Variants in PLXNA2 observed in about 807,000 individuals in gnomAD.
PLXNA2 encodes the protein plexin A2, also known as plexin-A2.
A neutral mutation model predicts 193.5 loss-of-function variants in PLXNA2; 91 were observed. The observed-to-expected ratio is 0.47, with a 90% confidence interval of 0.40 to 0.56. PLXNA2 has a LOEUF of 0.56. PLXNA2 is among the 20% of genes least tolerant of loss of function. The probability of loss-of-function intolerance (pLI) is 0.00; values close to 1 mark genes in which losing one functional copy is unlikely to be tolerated. For synonymous variants in PLXNA2, 997 were observed against 1,027.3 expected (o/e 0.97, Z 0.56); for missense variants, 1,995 against 2,503.2 (o/e 0.80, Z 4.33).
chr1:208,161,605 C>G (rs755780713), intron 3 of PLXNA2, among the ~76,000 whole-genome samples: 5 of 152,152 alleles, frequency 3.3e-5, no homozygotes, highest in Non-Finnish European at 7.3e-5. Flanking sequence ...TCCTATGGTG[C>G]ACGAGTGTCC....
At position 208,039,696 on chromosome 1, in the gene PLXNA2, A is replaced by C; in HGVS notation, c.4425T>G (p.Asp1475Glu). Residue 1475 changes from aspartate (D) to glutamate (E), a missense_variant, in exon 24 of 32, where the codon GAT becomes GAG. Physicochemically the swap from Asp to Glu is conservative, Grantham distance 45 (BLOSUM62 2). Coordinates refer to ENST00000367033, the MANE Select transcript of PLXNA2 (RefSeq NM_025179.4). ...IKQQMEKGPI[D>E]AITGEARYSL... is the part of the protein sequence containing the mutation. ...AGTAGCGGGCCTCGCCCGTGATGGC[A>C]TCAATGGGGCCCTTCTCCATCTGCT... 2 of 1,614,208 alleles carry C rather than the reference A, an allele frequency of 1.2e-6. No individual in the cohort carries two copies. Among genetic ancestry groups the C allele is most frequent in the African/African-American group, 2.7e-5 (2 of 75,052 alleles).
At chr1:208,055,182 G>A (rs1025985554) in intron 13 of PLXNA2, among the ~76,000 whole-genome samples, 2 of 152,140 alleles carry the variant, frequency 1.3e-5, no homozygotes, top group East Asian at 3.9e-4. Context: ...ACTTCATCAA[G>A]GGCTGAGCAC....
chr1:208,241,104 C>T, intron 1 of PLXNA2, among the ~76,000 whole-genome samples: 1 of 152,134 alleles, frequency 6.6e-6, no homozygotes, highest in Non-Finnish European at 1.5e-5. Context: ...CACTGGTTTC[C>T]CCTCCTGTTC....
chr1:208,096,619 C>T, intron 7 of PLXNA2, 111 bp downstream of exon 7: 2 of 1,277,166 alleles, frequency 1.6e-6, no homozygotes, highest in South Asian at 1.4e-5. Flanking sequence ...GTTGTCTAAG[C>T]CAATATTAGT....
intron 3 of PLXNA2, among the ~76,000 whole-genome samples, chr1:208,147,655 G>A (rs1668640122): frequency 6.6e-6 from 1 of 152,148 alleles, no homozygotes; most frequent in Non-Finnish European, 1.5e-5. Flanking sequence ...AAACTCAGAG[G>A]CACAGGAGAG....
At chr1:208,031,818 C>T in intron 28 of PLXNA2, 59 bp from the exon 29 acceptor site, 3 of 1,414,120 alleles carry the variant, frequency 2.1e-6, no homozygotes, top group Non-Finnish European at 2.9e-6. Context: ...AGCAGACAGG[C>T]ATACCAGATG....
intron 17 of PLXNA2, 126 bp downstream of exon 17, chr1:208,050,883 G>A (rs1665236616): frequency 5.7e-6 from 4 of 699,184 alleles, no homozygotes; most frequent in African/African-American, 1.8e-5. Context: ...CAGGCTCAGA[G>A]TCTTAAGCCA....
Position 208,082,266 on chromosome 1 carries a change from G to A in PLXNA2, c.2395+146C>T. The A allele has an allele frequency of 1.5e-6, 1 of 668,374 alleles. No homozygotes were observed. Among genetic ancestry groups the A allele is most frequent in the Middle Eastern group, 3.2e-4 (1 of 3,092 alleles). 41.4% of individuals were successfully genotyped at this position (668,374 alleles called of 1,614,324 possible). On this transcript the variant is annotated intron_variant, in intron 11 of 31. Coordinates refer to ENST00000367033, the MANE Select transcript of PLXNA2 (RefSeq NM_025179.4). The surrounding 1 kb of genome is among the most constrained non-coding windows in gnomAD (Gnocchi z 4.2). ...CAGGACTCCTTTGATGACTCCAAAT[G>A]TTGCTTTAGGATCCTCTGAAGAGTT...
intron 3 of PLXNA2, among the ~76,000 whole-genome samples, chr1:208,145,385 C>G (rs2102488979): frequency 6.6e-6 from 1 of 152,358 alleles, no homozygotes; most frequent in South Asian, 2.1e-4. Flanking sequence ...GCCCCTCCCT[C>G]AAGCCTGGTC....
intron 13 of PLXNA2, among the ~76,000 whole-genome samples, chr1:208,055,539 C>A (rs1377110872): frequency 6.6e-6 from 1 of 152,078 alleles, no homozygotes; most frequent in African/African-American, 2.4e-5. Context: ...AGGATTTTTC[C>A]TTTCCTCCCA....
chr1:208,096,914 G>A (rs1366857935), intron 6 of PLXNA2, 31 bp from the exon 7 acceptor site: 19 of 1,599,336 alleles, frequency 1.2e-5, no homozygotes, highest in Non-Finnish European at 1.5e-5. Flanking sequence ...TGATGCCAAA[G>A]AAATGCCTCA....
chr1:208,128,139 G>A (rs1003749549), intron 4 of PLXNA2, among the ~76,000 whole-genome samples: 1 of 152,280 alleles, frequency 6.6e-6, no homozygotes, highest in African/African-American at 2.4e-5. Flanking sequence ...ATTTTTCCAG[G>A]CACCCAGGGA....
intron 4 of PLXNA2, among the ~76,000 whole-genome samples, chr1:208,115,205 C>T (rs560989151): frequency 7.9e-5 from 12 of 152,104 alleles, no homozygotes; most frequent in Non-Finnish European, 1.5e-4. Flanking sequence ...GGTTGATTGG[C>T]GTGACCTTGT....
At chr1:208,087,179 A>G (rs1198461741) in intron 9 of PLXNA2, among the ~76,000 whole-genome samples, 1 of 152,110 alleles carries the variant, frequency 6.6e-6, no homozygotes, top group Middle Eastern at 3.2e-3. Context: ...TTTTGGAAGT[A>G]TGATGTCTGG....
intron 1 of PLXNA2, among the ~76,000 whole-genome samples, chr1:208,230,680 C>G (rs1310980703): frequency 6.6e-6 from 1 of 152,226 alleles, no homozygotes; most frequent in Non-Finnish European, 1.5e-5. Context: ...TCTGAACCAA[C>G]AGCCAGCCTT....
chr1:208,152,733 C>T (rs920841347), intron 3 of PLXNA2, among the ~76,000 whole-genome samples: 1 of 150,786 alleles, frequency 6.6e-6, no homozygotes, highest in African/African-American at 2.4e-5. Flanking sequence ...TTCAATTGTC[C>T]CCTTTAATAA....
At chr1:208,226,734 A>G (rs1383292066) in intron 1 of PLXNA2, among the ~76,000 whole-genome samples, 1 of 152,188 alleles carries the variant, frequency 6.6e-6, no homozygotes, top group African/African-American at 2.4e-5. Flanking sequence ...GCCGCATGGT[A>G]TAAACTAAAA....
chr1:208,171,322 G>A (rs1168870329), intron 3 of PLXNA2, among the ~76,000 whole-genome samples: 4 of 152,180 alleles, frequency 2.6e-5, no homozygotes, highest in African/African-American at 9.7e-5. Flanking sequence ...AATAATAACA[G>A]TTAACTTTTA....
intron 17 of PLXNA2, among the ~76,000 whole-genome samples, chr1:208,046,713 G>A (rs1006427412): frequency 1.6e-4 from 24 of 151,110 alleles, no homozygotes; most frequent in African/African-American, 5.1e-4. Context: ...AAGGGAACAA[G>A]TTCCAAGCAG....
Sources: allele counts gnomAD v4.1 joint callset (sites outside exome capture counted in the v4.1 genomes callset), GRCh38; gene constraint gnomAD v4.1.1; non-coding constraint Gnocchi (gnomAD v3.1); transcripts MANE v1.5; gene names NCBI Gene and HGNC (gene_info 2026-07-23, HGNC 2026-07-21).